Variants in NMUR1 observed in about 807,000 individuals in gnomAD.
NMUR1 encodes the protein neuromedin U receptor 1, also known as neuromedin-U receptor 1.
In NMUR1, 16 loss-of-function variants were observed where a neutral mutation model predicts 18.8. That is an observed-to-expected ratio of 0.85 (90% CI 0.58 to 1.29). NMUR1 has a LOEUF of 1.29. NMUR1 is among the 50% of genes most tolerant of loss of function. The pLI is 0.00. For synonymous variants in NMUR1, 258 were observed against 258.2 expected (o/e 1.00, Z 0.01); for missense variants, 529 against 580.3 (o/e 0.91, Z 0.91).
rs575638952 is a variant in NMUR1, at chr2:231,524,692, A to T, written c.*351T>A. 2.9e-5 allele frequency: 7 copies of T among 240,214 alleles called. No individual in the cohort carries two copies. The South Asian group carries it at 6.5e-4, about 22-fold the overall frequency. 14.9% of individuals were successfully genotyped at this position (240,214 alleles called of 1,614,324 possible). Reference sequence around the variant, plus strand: ...ACAGGAACTGGGAAGGACAGTGAGGACCCAGTGGGACCGTTTCAGAAACTG... The same window carrying T: ...ACAGGAACTGGGAAGGACAGTGAGGTCCCAGTGGGACCGTTTCAGAAACTG... On this transcript the variant is annotated 3_prime_UTR_variant, in exon 3 of 3. Coordinates refer to ENST00000305141, the MANE Select transcript of NMUR1 (RefSeq NM_006056.5).
chr2:231,525,575 C>A, intron 2 of NMUR1, 150 bp from the exon 3 acceptor site: 1 of 889,830 alleles, frequency 1.1e-6, no homozygotes, highest in Non-Finnish European at 1.7e-6. Flanking sequence ...TGGAAATTTG[C>A]CTGTTCTGGC....
In NMUR1 at chr2:231,530,421, C is replaced by A; in HGVS notation, c.-60G>T. 6.9e-7 allele frequency: 1 copy of A among 1,458,752 alleles called. No homozygotes were observed. Among genetic ancestry groups the A allele is most frequent in the Non-Finnish European group, 9.0e-7 (1 of 1,112,504 alleles). 90.4% of individuals were successfully genotyped at this position (1,458,752 alleles called of 1,614,324 possible). A position where few individuals can be genotyped will look rare whatever the true frequency, so the allele number is the denominator to read the frequency against. On this transcript the variant is annotated 5_prime_UTR_variant, in exon 1 of 3. Transcript: ENST00000305141. ...CTCCGAGCGACGGACACAGACGCGG[C>A]GCGGGAGCCAGTGGACTGACTGACA...
Position 231,525,203 on chromosome 2 carries a change from C to G in NMUR1, c.1121G>C (p.Gly374Ala), listed in dbSNP as rs768174073. Residue 374 changes from glycine to alanine, a missense_variant, in exon 3 of 3, where the codon GGG (glycine) becomes GCG (alanine). Physicochemically the swap from Gly to Ala is moderately conservative, Grantham distance 60. Transcript: ENST00000305141. ...RETFQEALCL[G>A]ACCHRLRPRH... Reference sequence around the variant, plus strand: ...GGGTCTGAGGCGATGGCAGCAGGCCCCGAGGCACAGGGCCTCCTGGAAGGT... The same window carrying G: ...GGGTCTGAGGCGATGGCAGCAGGCCGCGAGGCACAGGGCCTCCTGGAAGGT... The G allele has an allele frequency of 1.1e-5, 17 of 1,614,082 alleles. No homozygotes were observed. The South Asian group carries it at 1.6e-4, about 16-fold the overall frequency.
chr2:231,525,047 G>T lies in NMUR1; in HGVS notation c.1277C>A (p.Ser426Tyr). The part of the protein sequence containing the change: ...GPEAQQETDP[S>Y] ...GAAGCCACTTTAAGGCTCCACTCAGGATGGATCGGTCTCTTGCTGCGCCTC... is the reference window on the plus strand; with the variant it reads ...GAAGCCACTTTAAGGCTCCACTCAGTATGGATCGGTCTCTTGCTGCGCCTC... Residue 426 changes from serine to tyrosine, a missense_variant, in exon 3 of 3, where the codon TCC becomes TAC. By Grantham distance (144) the Ser-to-Tyr change is moderately radical. Coordinates refer to ENST00000305141, the MANE Select transcript of NMUR1 (RefSeq NM_006056.5). 2 of 1,569,904 alleles carry T rather than the reference G, an allele frequency of 1.3e-6. No individual in the cohort carries two copies. The highest frequency in any genetic ancestry group is 8.6e-7 in the Non-Finnish European group (1 of 1,159,178).
rs1324712934 is a variant in NMUR1 at position 231,528,636 on chromosome 2, GC to G, written c.384del (p.Leu129TrpfsTer27). 6.2e-7 allele frequency: 1 copy of G among 1,614,116 alleles called. No homozygotes were observed. The highest frequency in any genetic ancestry group is 8.5e-7 in the Non-Finnish European group (1 of 1,180,058). Reference sequence around the variant, plus strand: ...CGGAAATAGCAGCCACCAACGCCCAGCAGGAAGGGGTAGTTGTGCCACATCT... The same window carrying G: ...CGGAAATAGCAGCCACCAACGCCCAGAGGAAGGGGTAGTTGTGCCACATCT... ...LYEMWHNYPFLLGVGGCYFRT... is the reference protein window; with the variant it reads ...LYEMWHNYPFXLGVGGCYFRT... On this transcript the variant is annotated frameshift_variant, in exon 2 of 3. Transcript: ENST00000305141. LOFTEE classifies it high-confidence loss of function.
In NMUR1 at chr2:231,528,683, C is replaced by A. The variant is rs749460240; in HGVS notation, c.338G>T (p.Gly113Val). ...CATCTCATAGAGCTCCAGGGGCAGG[C>A]CCACCAGCAGCACCAGCAGGTCCGA... ...AVSDLLVLLV[G>V]LPLELYEMWH... is the part of the protein sequence containing the mutation. Residue 113 changes from glycine to valine, a missense_variant, in exon 2 of 3, where the codon GGC (glycine) becomes GTC (valine). Gly to Val is a moderately radical substitution (Grantham distance 109, BLOSUM62 -3). Transcript: ENST00000305141. 6.2e-7 allele frequency: 1 copy of A among 1,614,236 alleles called. No homozygotes were observed. The highest frequency in any genetic ancestry group is 1.3e-5 in the African/African-American group (1 of 75,074).
At chr2:231,530,209 G>T in intron 1 of NMUR1, 150 bp downstream of exon 1, 4 of 957,606 alleles carry the variant, frequency 4.2e-6, no homozygotes, top group South Asian at 1.7e-5. Context: ...AGACACAAAT[G>T]ACCCGAGAAG....
rs749168872 is a variant in NMUR1, at chr2:231,528,476, A to G, written c.545T>C (p.Leu182Pro). The change falls in exon 2 of 3, where the codon CTT (leucine) becomes CCT (proline). Residue 182 changes from leucine to proline, a missense_variant. Transcript: ENST00000305141. ...CATGGCAAGACCCCAGACGGCCCCA[A>G]GCACTCGGCGCACATGGGCCCGCGT... ...MVTRAHVRRV[L>P]GAVWGLAMLC... is the part of the protein sequence containing the mutation. 1.7e-5 allele frequency: 27 copies of G among 1,613,684 alleles called. No individual in the cohort carries two copies. In the East Asian group the frequency reaches 5.8e-4, roughly 35 times the overall value.
At position 231,529,033 on chromosome 2, in the gene NMUR1, G is replaced by A. The variant is rs1275296740; in HGVS notation, c.4-16C>T. The A allele has an allele frequency of 6.3e-7, 1 of 1,578,600 alleles. No individual in the cohort carries two copies. The highest frequency in any genetic ancestry group is 2.3e-5 in the East Asian group (1 of 44,388). ...AGAGAGGAGTCTGTGGAACAGAGGGGAGAGATGCCCAGAAAGATCATTCAG... is the reference window on the plus strand; with the variant it reads ...AGAGAGGAGTCTGTGGAACAGAGGGAAGAGATGCCCAGAAAGATCATTCAG... On this transcript the variant is annotated splice_polypyrimidine_tract_variant and intron_variant, in intron 1 of 2. Coordinates refer to ENST00000305141, the MANE Select transcript of NMUR1 (RefSeq NM_006056.5).
Position 231,528,461 on chromosome 2 carries a change from C to A in NMUR1, c.560G>T (p.Gly187Val). The A allele has an allele frequency of 6.2e-7, 1 of 1,613,598 alleles. No individual in the cohort carries two copies. Among genetic ancestry groups the A allele is most frequent in the Non-Finnish European group, 8.5e-7 (1 of 1,180,026 alleles). Reference sequence around the variant, plus strand: ...GGGCAGGGAGCAGAGCATGGCAAGACCCCAGACGGCCCCAAGCACTCGGCG... The same window carrying A: ...GGGCAGGGAGCAGAGCATGGCAAGAACCCAGACGGCCCCAAGCACTCGGCG... ...HVRRVLGAVWGLAMLCSLPNT... is the reference protein window; with the variant it reads ...HVRRVLGAVWVLAMLCSLPNT... The change falls in exon 2 of 3, where the codon GGT (glycine) becomes GTT (valine). Residue 187 changes from glycine to valine, a missense_variant. Coordinates refer to ENST00000305141, the MANE Select transcript of NMUR1 (RefSeq NM_006056.5).
downstream of NMUR1, among the ~76,000 whole-genome samples, chr2:231,520,107 T>C (rs1442469036): frequency 6.6e-6 from 1 of 152,228 alleles, no homozygotes; most frequent in Admixed American, 6.5e-5. Flanking sequence ...TTTGCTAATC[T>C]TAGAAACTGT....
At chr2:231,518,727 G>A (rs1275797874), downstream of NMUR1, among the ~76,000 whole-genome samples, 2 of 152,206 alleles carry the variant, frequency 1.3e-5, no homozygotes, top group Non-Finnish European at 2.9e-5. Flanking sequence ...TGGAGGGAAG[G>A]TTCCAAGTCC....
downstream of NMUR1, among the ~76,000 whole-genome samples, chr2:231,520,530 T>C (rs1166327241): frequency 6.6e-6 from 1 of 152,196 alleles, no homozygotes; most frequent in Non-Finnish European, 1.5e-5. Context: ...AGTCACACAA[T>C]GAGAGATTCC....
chr2:231,528,964 A>T lies in NMUR1; in HGVS notation c.57T>A (p.Gly19=), dbSNP rs768335833. The T allele has an allele frequency of 2.5e-6, 4 of 1,613,832 alleles. No homozygotes were observed. Among genetic ancestry groups the T allele is most frequent in the Non-Finnish European group, 3.4e-6 (4 of 1,179,942 alleles). The stretch of plus-strand genomic sequence containing the variant: ...CATTGCAAGCCATGGGGTTCCTTGC[A>T]CCCCCTGGGTACAGGTCTCCAGGGA... ...SVLPGDLYPG[G]ARNPMACNGS... is the part of the protein sequence containing the mutation. The change falls in exon 2 of 3, where the codon GGT becomes GGA. Residue 19 remains glycine, a synonymous_variant. Transcript: ENST00000305141.
At position 231,525,397 on chromosome 2, in the gene NMUR1, G is replaced by A. The variant is rs527393018; in HGVS notation, c.927C>T (p.Cys309=). ...LFVLVVVFGI[C]WAPFHADRVM... is the part of the protein sequence containing the mutation. ...CGCGGTCGGCGTGGAACGGGGCCCA[G>A]CAGATGCCAAACACCACGACCAGGA... The change falls in exon 3 of 3, where the codon TGC becomes TGT. Residue 309 remains cysteine, a synonymous_variant. Transcript: ENST00000305141. 8.1e-6 allele frequency: 13 copies of A among 1,612,922 alleles called. No individual in the cohort carries two copies. Among genetic ancestry groups the A allele is most frequent in the African/African-American group, 5.3e-5 (4 of 75,062 alleles).
intron 2 of NMUR1, 124 bp downstream of exon 2, chr2:231,527,999 C>CACACACAA: frequency 1.0e-6 from 1 of 959,806 alleles, no homozygotes; most frequent in South Asian, 1.8e-5. Flanking sequence ...CACACACACA[C>CACACACAA]GAGACTAGAG....
downstream of NMUR1, among the ~76,000 whole-genome samples, chr2:231,519,384 T>C (rs1273637845): frequency 6.6e-6 from 1 of 152,202 alleles, no homozygotes; most frequent in Non-Finnish European, 1.5e-5. Context: ...TGCCCTGCCT[T>C]GTGCAGAAAC....
At position 231,528,482 on chromosome 2, in the gene NMUR1, C is replaced by G. The variant is rs533098326; in HGVS notation, c.539G>C (p.Arg180Pro). Residue 180 changes from arginine to proline, a missense_variant, in exon 2 of 3, where the codon CGA (arginine) becomes CCA (proline). By Grantham distance (103) the Arg-to-Pro change is moderately radical. Transcript: ENST00000305141. ...AAGACCCCAGACGGCCCCAAGCACTCGGCGCACATGGGCCCGCGTCACCAT... is the reference window on the plus strand; with the variant it reads ...AAGACCCCAGACGGCCCCAAGCACTGGGCGCACATGGGCCCGCGTCACCAT... ...RSMVTRAHVR[R>P]VLGAVWGLAM... 1 of 1,613,548 alleles carries G rather than the reference C, an allele frequency of 6.2e-7. No homozygotes were observed. The highest frequency in any genetic ancestry group is 1.3e-5 in the African/African-American group (1 of 74,958).
Position 231,528,132 on chromosome 2 carries a change from T to C in NMUR1, c.889A>G (p.Lys297Glu), listed in dbSNP as rs766988544. The C allele has an allele frequency of 5.2e-6, 8 of 1,547,714 alleles. No individual in the cohort carries two copies. Among genetic ancestry groups the C allele is most frequent in the Non-Finnish European group, 7.0e-6 (8 of 1,145,216 alleles). The change falls in exon 2 of 3, where the codon AAG (lysine) becomes GAG (glutamate). Residue 297 changes from lysine (K) to glutamate (E), a missense_variant. Transcript: ENST00000305141. The part of the protein sequence containing the change: ...QHDRGRRQVT[K>E]MLFVLVVVFG... ...CAGCCGTGACACTTACACAGCATCTTGGTCACTTGTCTCCGGCCCCGATCG... is the reference window on the plus strand; with the variant it reads ...CAGCCGTGACACTTACACAGCATCTCGGTCACTTGTCTCCGGCCCCGATCG...
Sources: gnomAD v4.1 joint callset for allele counts (sites outside exome capture counted in the v4.1 genomes callset) on GRCh38, gnomAD v4.1.1 for gene constraint, MANE v1.5 for transcripts, NCBI Gene and HGNC (gene_info 2026-07-23, HGNC 2026-07-21) for gene names.